Variants in RIT2 observed in about 807,000 individuals in gnomAD.
The protein encoded by RIT2 is Ras like without CAAX 2, also known as GTP-binding protein Rit2.
Under a neutral mutation model 23.7 loss-of-function variants are expected in RIT2, and 24 were observed. The ratio of observed to expected loss-of-function variants is 1.01; its 90% CI spans 0.73 to 1.43. The LOEUF (loss-of-function observed/expected upper bound fraction) is 1.43, where lower values mean the gene tolerates loss of function less well. RIT2 is among the 40% of genes most tolerant of loss of function. The probability of loss-of-function intolerance (pLI) is 0.00; values close to 1 mark genes in which losing one functional copy is unlikely to be tolerated. For missense variants in RIT2, 236 were observed against 266.9 expected, an observed-to-expected ratio of 0.88 and a Z score of 0.81; for synonymous variants, 107 against 91.1, an observed-to-expected ratio of 1.17 and a Z score of -0.99.
chr18:42,865,489 C>A (rs1377980343), intron 4 of RIT2, among the ~76,000 whole-genome samples: 1 of 152,138 alleles, frequency 6.6e-6, no homozygotes, highest in Non-Finnish European at 1.5e-5. Context: ...ACATAAGAGG[C>A]TTTCCCCAAA....
chr18:43,085,791 G>A (rs149253497), intron 1 of RIT2, among the ~76,000 whole-genome samples: 2,137 of 152,182 alleles, frequency 0.014, 25 homozygotes, highest in Middle Eastern at 0.061. Flanking sequence ...TCCCACATGT[G>A]GTGGGAGGGA....
At chr18:42,857,042 A>T (rs1276979808) in intron 4 of RIT2, among the ~76,000 whole-genome samples, 1 of 151,862 alleles carries the variant, frequency 6.6e-6, no homozygotes, top group African/African-American at 2.4e-5. Context: ...GTTAGCCAGG[A>T]TGGTCTCGAT....
intron 1 of RIT2, among the ~76,000 whole-genome samples, chr18:43,113,223 G>A (rs1156549784): frequency 6.6e-6 from 1 of 152,156 alleles, no homozygotes; most frequent in Non-Finnish European, 1.5e-5. Context: ...AAAGTCCAAG[G>A]ACCAGATGAT....
At chr18:42,780,063 T>G (rs986399960) in intron 4 of RIT2, among the ~76,000 whole-genome samples, 2 of 138,710 alleles carry the variant, frequency 1.4e-5, no homozygotes, top group African/African-American at 5.3e-5. Context: ...TTTTTTTTTT[T>G]TTTTTTTTTT....
intron 2 of RIT2, among the ~76,000 whole-genome samples, chr18:43,026,604 G>T (rs575611763): frequency 4.3e-5 from 6 of 138,268 alleles, no homozygotes; most frequent in African/African-American, 1.4e-4. Context: ...AAGAAAGAAA[G>T]AAAGAAAGAA....
chr18:43,040,296 A>G (rs1182805611), intron 1 of RIT2, among the ~76,000 whole-genome samples: 1 of 152,228 alleles, frequency 6.6e-6, no homozygotes, highest in African/African-American at 2.4e-5. Context: ...GTGCCCTGGC[A>G]TAAGTAGAAT....
At chr18:43,000,727 C>G (rs116463130) in intron 2 of RIT2, among the ~76,000 whole-genome samples, 3,987 of 152,036 alleles carry the variant, frequency 0.026, 166 homozygotes, top group African/African-American at 0.087. Flanking sequence ...CTCCCACCCC[C>G]CTGCAGCCAT....
intron 3 of RIT2, 99 bp downstream of exon 3, chr18:42,973,975 C>A: frequency 1.4e-6 from 1 of 709,156 alleles, no homozygotes; most frequent in Non-Finnish European, 2.3e-6. Context: ...TGTTCTTCTT[C>A]TGCTTGAATA....
chr18:42,941,333 A>T (rs755960923), intron 3 of RIT2, among the ~76,000 whole-genome samples: 14 of 152,100 alleles, frequency 9.2e-5, no homozygotes, highest in Non-Finnish European at 1.5e-4. Context: ...GCCTAGAAGT[A>T]CTTTCCCTGC....
intron 4 of RIT2, among the ~76,000 whole-genome samples, chr18:42,771,322 A>G (rs982534879): frequency 7.2e-5 from 11 of 152,174 alleles, no homozygotes; most frequent in Admixed American, 5.9e-4. Context: ...AATGGTATTT[A>G]TCACATTTCT....
intron 1 of RIT2, among the ~76,000 whole-genome samples, chr18:43,091,576 GGCT>G (rs1913424343): frequency 6.6e-6 from 1 of 152,028 alleles, no homozygotes; most frequent in Admixed American, 6.6e-5. Context: ...CCTCTGCTGT[GGCT>G]GGGCCTGCAA....
intron 2 of RIT2, among the ~76,000 whole-genome samples, chr18:43,010,801 G>A (rs1055590081): frequency 2.0e-5 from 3 of 151,742 alleles, no homozygotes; most frequent in African/African-American, 4.8e-5. Flanking sequence ...TTGTAAACAG[G>A]TAACTGTGCT....
intron 1 of RIT2, among the ~76,000 whole-genome samples, chr18:43,037,549 C>T (rs1339509370): frequency 6.6e-6 from 1 of 152,024 alleles, no homozygotes; most frequent in East Asian, 1.9e-4. Context: ...AAGTTAAGTC[C>T]ATTCACATTC....
intron 4 of RIT2, among the ~76,000 whole-genome samples, chr18:42,775,197 A>G (rs1056369907): frequency 2.6e-5 from 4 of 152,170 alleles, no homozygotes; most frequent in Non-Finnish European, 5.9e-5. Context: ...TCAGGAATCC[A>G]TTGTATTGTA....
intron 4 of RIT2, among the ~76,000 whole-genome samples, chr18:42,795,247 G>C (rs1345447199): frequency 2.0e-5 from 3 of 152,224 alleles, no homozygotes; most frequent in Non-Finnish European, 1.5e-5. Flanking sequence ...GAGGTGTGGA[G>C]GGAGAGGCGC....
chr18:43,109,388 G>C (rs946195689), intron 1 of RIT2, among the ~76,000 whole-genome samples: 1 of 152,152 alleles, frequency 6.6e-6, no homozygotes, highest in Non-Finnish European at 1.5e-5. Context: ...AATCTCAAAA[G>C]ATATTTTTTC....
At chr18:42,969,689 G>A (rs1215081735) in intron 3 of RIT2, among the ~76,000 whole-genome samples, 1 of 151,312 alleles carries the variant, frequency 6.6e-6, no homozygotes, top group Admixed American at 6.6e-5. Flanking sequence ...AAAAAAAATT[G>A]AAGGTATTTG....
At chr18:42,977,329 T>A (rs1910498188) in intron 2 of RIT2, among the ~76,000 whole-genome samples, 1 of 152,086 alleles carries the variant, frequency 6.6e-6, no homozygotes, top group Non-Finnish European at 1.5e-5. Flanking sequence ...TCCTAGAGTC[T>A]GGCTGCAATC....
At chr18:43,078,977 G>C (rs1247017118) in intron 1 of RIT2, among the ~76,000 whole-genome samples, 5 of 152,192 alleles carry the variant, frequency 3.3e-5, no homozygotes, top group Non-Finnish European at 5.9e-5. Context: ...TAAAATTCCA[G>C]TGACAGAGCA....
Sources: gnomAD v4.1 joint callset for allele counts (sites outside exome capture counted in the v4.1 genomes callset) on GRCh38, gnomAD v4.1.1 for gene constraint, MANE v1.5 for transcripts, NCBI Gene and HGNC (gene_info 2026-07-23, HGNC 2026-07-21) for gene names.